Variants in YIPF1 observed in about 807,000 individuals in gnomAD.
YIPF1 encodes Yip1 domain family member 1.
Under a neutral mutation model 37.0 loss-of-function variants are expected in YIPF1, and 22 were observed. The ratio of observed to expected loss-of-function variants is 0.59; its 90% CI spans 0.42 to 0.85. The LOEUF (loss-of-function observed/expected upper bound fraction) is 0.85. Among genes scored for constraint, YIPF1 ranks in the 40% least tolerant of loss-of-function variants. The pLI is 0.00. For missense variants in YIPF1, 355 were observed against 373.1 expected, an observed-to-expected ratio of 0.95 and a Z score of 0.40; for synonymous variants, 128 against 131.9, an observed-to-expected ratio of 0.97 and a Z score of 0.21.
At chr1:53,868,411 T>C (rs1650088576) in intron 7 of YIPF1, among the ~76,000 whole-genome samples, 1 of 152,188 alleles carries the variant, frequency 6.6e-6, no homozygotes, top group Non-Finnish European at 1.5e-5. Context: ...TCCTCATCTA[T>C]AAAATGGGAA....
At chr1:53,880,962 G>A (rs1371581790) in intron 4 of YIPF1, among the ~76,000 whole-genome samples, 3 of 152,084 alleles carry the variant, frequency 2.0e-5, no homozygotes, top group Non-Finnish European at 4.4e-5. Context: ...AAAAACCCTA[G>A]AAGAGAATCT....
chr1:53,883,954 T>C (rs1650571597), intron 3 of YIPF1, among the ~76,000 whole-genome samples: 1 of 152,158 alleles, frequency 6.6e-6, no homozygotes, highest in Non-Finnish European at 1.5e-5. Context: ...GGAGAATCAC[T>C]TGAACCCAGG....
chr1:53,869,890 T>G (rs975161575), intron 7 of YIPF1, among the ~76,000 whole-genome samples: 38 of 130,074 alleles, frequency 2.9e-4, no homozygotes, highest in African/African-American at 1.1e-3. Flanking sequence ...TTTTTTTTTT[T>G]GAGACAGAGT....
intron 4 of YIPF1, among the ~76,000 whole-genome samples, chr1:53,882,071 G>A (rs1650516496): frequency 6.6e-6 from 1 of 152,170 alleles, no homozygotes; most frequent in African/African-American, 2.4e-5. Flanking sequence ...GGACATGGAT[G>A]GAGTTGGAAG....
chr1:53,888,217 C>G (rs1650708003), intron 3 of YIPF1, among the ~76,000 whole-genome samples: 1 of 151,936 alleles, frequency 6.6e-6, no homozygotes, highest in African/African-American at 2.4e-5. Flanking sequence ...CAGAGTGAGA[C>G]TCCATCAAAA....
intron 6 of YIPF1, among the ~76,000 whole-genome samples, chr1:53,875,782 A>G (rs1324994989): frequency 2.0e-5 from 3 of 152,196 alleles, no homozygotes; most frequent in Non-Finnish European, 2.9e-5. Flanking sequence ...TCCCTTAGAT[A>G]TCTACATAAA....
chr1:53,882,649 G>T (rs1650532797), intron 4 of YIPF1, among the ~76,000 whole-genome samples: 2 of 152,090 alleles, frequency 1.3e-5, no homozygotes, highest in African/African-American at 4.8e-5. Flanking sequence ...TGTAGAGGTG[G>T]AGTTTCACCA....
chr1:53,869,269 C>T (rs1461485403), intron 7 of YIPF1, among the ~76,000 whole-genome samples: 1 of 151,646 alleles, frequency 6.6e-6, no homozygotes, highest in Non-Finnish European at 1.5e-5. Flanking sequence ...ACATTTATTG[C>T]ATTAAACTCA....
At chr1:53,870,060 C>T (rs1365693889) in intron 7 of YIPF1, among the ~76,000 whole-genome samples, 1 of 151,304 alleles carries the variant, frequency 6.6e-6, no homozygotes, top group African/African-American at 2.4e-5. Flanking sequence ...CGGGTTTCAC[C>T]ATGTTGGTCA....
At chr1:53,864,180 C>T (rs576840429) in intron 9 of YIPF1, among the ~76,000 whole-genome samples, 18 of 152,242 alleles carry the variant, frequency 1.2e-4, no homozygotes, top group African/African-American at 4.1e-4. Context: ...CAGCCAGGCA[C>T]GTGAGGGGAA....
chr1:53,886,844 G>T (rs1650667621), intron 3 of YIPF1: 1 of 151,972 alleles, frequency 6.6e-6, no homozygotes, highest in African/African-American at 2.4e-5. Context: ...AATGAGGAGA[G>T]ATTTGAACAG....
chr1:53,885,904 C>G (rs959727747), intron 3 of YIPF1, among the ~76,000 whole-genome samples: 2 of 151,442 alleles, frequency 1.3e-5, no homozygotes, highest in Admixed American at 6.6e-5. Context: ...TGATGGACAC[C>G]CTGTTTACCC....
At chr1:53,861,060 C>T (rs1382188545) in intron 9 of YIPF1, among the ~76,000 whole-genome samples, 1 of 152,228 alleles carries the variant, frequency 6.6e-6, no homozygotes, top group Non-Finnish European at 1.5e-5. Context: ...TGCTCTCTAT[C>T]AGCCAGAAGG....
chr1:53,889,105 G>T, intron 2 of YIPF1, 119 bp from the exon 3 acceptor site: 2 of 520,960 alleles, frequency 3.8e-6, no homozygotes, highest in Non-Finnish European at 7.0e-6. Flanking sequence ...GGGTTTAATA[G>T]GTTTATATAA....
In YIPF1 at chr1:53,883,262, C is replaced by T. The variant is rs1650553401; in HGVS notation, c.46G>A (p.Ala16Thr). The T allele has an allele frequency of 6.4e-7, 1 of 1,568,578 alleles. No individual in the cohort carries two copies. The highest frequency in any genetic ancestry group is 8.6e-7 in the Non-Finnish European group (1 of 1,160,662). The change falls in exon 4 of 11, where the codon GCC (alanine) becomes ACC (threonine). Residue 16 changes from alanine to threonine, a missense_variant. Physicochemically the swap from Ala to Thr is moderately conservative, Grantham distance 58 (BLOSUM62 0). Coordinates refer to ENST00000072644, the MANE Select transcript of YIPF1 (RefSeq NM_018982.5). ...TCTGGGTTTGCTGTCAGAGAAGTGG[C>T]TGCATTGCCAAATTCTGAAATCAAT... Reference protein sequence around the residue: ...DLQFEEFGNAATSLTANPDAT... With the variant: ...DLQFEEFGNATTSLTANPDAT...
At chr1:53,877,863 A>G (rs1650372822) in intron 6 of YIPF1, among the ~76,000 whole-genome samples, 1 of 152,198 alleles carries the variant, frequency 6.6e-6, no homozygotes, top group African/African-American at 2.4e-5. Flanking sequence ...TATGTTGCCC[A>G]GGCTGGTCTC....
At chr1:53,870,155 G>C (rs1040290735) in intron 7 of YIPF1, among the ~76,000 whole-genome samples, 2 of 118,050 alleles carry the variant, frequency 1.7e-5, no homozygotes, top group African/African-American at 7.4e-5. Context: ...CACCGCACCG[G>C]GTCTCTTTTT....
intron 10 of YIPF1, among the ~76,000 whole-genome samples, chr1:53,855,547 A>T (rs1014640852): frequency 6.6e-6 from 1 of 152,216 alleles, no homozygotes; most frequent in Non-Finnish European, 1.5e-5. Context: ...CAGACCACGT[A>T]TACAATGGTG....
intron 4 of YIPF1, 122 bp downstream of exon 4, chr1:53,882,991 T>C: frequency 8.9e-7 from 1 of 1,125,408 alleles, no homozygotes; most frequent in Non-Finnish European, 1.2e-6. Context: ...GAAGAGGCCA[T>C]GTGTCATTTA....
Sources: gnomAD v4.1 joint callset for allele counts (sites outside exome capture counted in the v4.1 genomes callset) on GRCh38, gnomAD v4.1.1 for gene constraint, MANE v1.5 for transcripts, NCBI Gene and HGNC (gene_info 2026-07-23, HGNC 2026-07-21) for gene names.